OPLAH: variants seen among roughly 807,000 people sequenced by gnomAD.
OPLAH encodes 5-oxoprolinase.
A neutral mutation model predicts 122.8 loss-of-function variants in OPLAH; 103 were observed. The observed-to-expected ratio is 0.84, with a 90% CI of 0.71 to 0.99. OPLAH has a LOEUF of 0.99. Ranked by LOEUF, OPLAH falls within the 50% of genes least tolerant of loss-of-function variation. OPLAH has a pLI of 0.00. For missense variants in OPLAH, 1,902 were observed against 1,836.5 expected (o/e 1.04, Z -0.65); for synonymous variants, 875 against 796.0 (o/e 1.10, Z -1.67).
downstream of OPLAH, chr8:144,050,800 G>C (rs1455666672): frequency 3.0e-6 from 3 of 987,718 alleles, no homozygotes; most frequent in African/African-American, 5.2e-5. Flanking sequence ...CCCAGGGACC[G>C]CGCTGAGCAC....
Position 144,056,519 on chromosome 8 carries a change from T to A in OPLAH, c.1849A>T (p.Met617Leu), listed in dbSNP as rs373063458. ...GGTATGACAAAGCCAAACTCCCTCA[T>A]GTACCTGCACTCCCCGCGGGGACCC... ...DFGAAFVERY[M>L]REFGFVIPER... Residue 617 changes from methionine to leucine, a missense_variant, in exon 14 of 27, where the codon ATG becomes TTG. Physicochemically the swap from Met to Leu is conservative, Grantham distance 15 (BLOSUM62 2). Transcript: ENST00000618853. 15 of 1,611,832 alleles carry A rather than the reference T, an allele frequency of 9.3e-6. No homozygotes were observed. Among genetic ancestry groups the A allele is most frequent in the Non-Finnish European group, 1.2e-5 (14 of 1,179,482 alleles).
In OPLAH at chr8:144,058,995, C is replaced by G; in HGVS notation, c.448G>C (p.Gly150Arg). ...VVLHRGEAGT[G>R]TPVKGRTGDL... ...GCACACACACCTTTCACAGGCGTCC[C>G]GGTGCCCGCCTCTCCACGGTGCAGC... Residue 150 changes from glycine (G) to arginine (R), a missense_variant, in exon 4 of 27, where the codon GGG becomes CGG. Gly to Arg is a moderately radical substitution (Grantham distance 125, BLOSUM62 -2). Coordinates refer to ENST00000618853, the MANE Select transcript of OPLAH (RefSeq NM_017570.5). 1 of 1,565,890 alleles carries G rather than the reference C, an allele frequency of 6.4e-7. No homozygotes were observed. The highest frequency in any genetic ancestry group is 8.6e-7 in the Non-Finnish European group (1 of 1,156,910).
At chr8:144,050,887 C>A (rs1835356615), downstream of OPLAH, 2 of 998,768 alleles carry the variant, frequency 2.0e-6, no homozygotes, top group African/African-American at 3.5e-5. Flanking sequence ...GTAGGCACTG[C>A]CCGCCCGAAG....
At chr8:144,053,712 C>T (rs1835444237) in intron 19 of OPLAH, among the ~76,000 whole-genome samples, 1 of 152,042 alleles carries the variant, frequency 6.6e-6, no homozygotes, top group Admixed American at 6.6e-5. Context: ...CCTGTGGTTC[C>T]ATTACACCCA....
Position 144,055,873 on chromosome 8 carries a change from C to A in OPLAH, c.2163G>T (p.Val721=), listed in dbSNP as rs369464657. 702 of 1,582,824 alleles carry A rather than the reference C, an allele frequency of 4.4e-4. 2 individuals carry two copies. In the African/African-American group the frequency reaches 8.6e-3, roughly 19 times the overall value. ...CCACTGTGCCGGGGACTTCGGCCCC[C>A]ACGGAGATGCAGATGTCCCCTGTCT... ...VTKTGDICIS[V]GAEVPGTVGP... is the part of the protein sequence containing the mutation. The change falls in exon 16 of 27, where the codon GTG becomes GTT. Residue 721 remains valine, a synonymous_variant. Coordinates refer to ENST00000618853, the MANE Select transcript of OPLAH (RefSeq NM_017570.5). The surrounding 1 kb of genome is among the most constrained non-coding windows in gnomAD (Gnocchi z 6.5).
chr8:144,051,437 G>A lies in OPLAH; in HGVS notation c.3756C>T (p.Gly1252=). Residue 1252 remains glycine, a synonymous_variant, in exon 27 of 27, where the codon GGC becomes GGT. Coordinates refer to ENST00000618853, the MANE Select transcript of OPLAH (RefSeq NM_017570.5). Reference sequence around the variant, plus strand: ...GGGCGGGGTCCTCCGGGTCCCCATAGCCACCGCCGCCGGGCGTGTGGAGAC... The same window carrying A: ...GGGCGGGGTCCTCCGGGTCCCCATAACCACCGCCGCCGGGCGTGTGGAGAC... ...VFCLHTPGGG[G]YGDPEDPAPP... is the part of the protein sequence containing the mutation. The A allele has an allele frequency of 1.4e-6, 2 of 1,405,286 alleles. No individual in the cohort carries two copies. The highest frequency in any genetic ancestry group is 1.9e-6 in the Non-Finnish European group (2 of 1,063,928). 87.1% of individuals were successfully genotyped at this position (1,405,286 alleles called of 1,614,324 possible).
chr8:144,058,359 T>C lies in OPLAH; in HGVS notation c.829A>G (p.Met277Val), dbSNP rs782385500. The C allele has an allele frequency of 3.4e-5, 54 of 1,595,988 alleles. 2 individuals carry two copies. In the South Asian group the frequency reaches 5.7e-4, roughly 17 times the overall value. Residue 277 changes from methionine to valine, a missense_variant, in exon 7 of 27, where the codon ATG becomes GTG. Met to Val is a conservative substitution (Grantham distance 21). Around this residue, in one of 3 missense-constraint regions of OPLAH, gnomAD observed 1,726 missense variants for 1,642.1 expected, o/e 1.05. Coordinates refer to ENST00000618853, the MANE Select transcript of OPLAH (RefSeq NM_017570.5). ...GCACTGGAGCCGCTGAAGGTGTCCATGGGCGCCAGGCCGCCATCGGAGCGC... is the reference window on the plus strand; with the variant it reads ...GCACTGGAGCCGCTGAAGGTGTCCACGGGCGCCAGGCCGCCATCGGAGCGC... ...FMRSDGGLAPMDTFSGSSAVL... is the reference protein window; with the variant it reads ...FMRSDGGLAPVDTFSGSSAVL...
Position 144,057,894 on chromosome 8 carries a change from G to T in OPLAH, c.1118C>A (p.Ser373Ter). The T allele has an allele frequency of 1.2e-6, 2 of 1,612,198 alleles. No individual in the cohort carries two copies. Among genetic ancestry groups the T allele is most frequent in the South Asian group, 1.1e-5 (1 of 91,052 alleles). The change falls in exon 9 of 27, where the codon TCA (serine) becomes TAA (stop). Residue 373 changes from serine to a stop codon, truncating the protein, a stop_gained. Coordinates refer to ENST00000618853, the MANE Select transcript of OPLAH (RefSeq NM_017570.5). LOFTEE classifies it high-confidence loss of function. ...GGCGGGTCCTGGGTGGGCTCCTGCT[G>T]ACTCGGGCCCAACCACAAAGAGGCC... Reference protein sequence around the residue: ...RSGLFVVGPESAGAHPGPACY... With the variant: ...RSGLFVVGPE
downstream of OPLAH, chr8:144,050,418 C>T (rs545703480): frequency 1.1e-5 from 11 of 985,474 alleles, no homozygotes; most frequent in Non-Finnish European, 1.3e-5. Context: ...TGGCTTTCAG[C>T]GTGCTCCTGG....
chr8:144,052,866 GGCCCAGT>G lies in OPLAH; in HGVS notation c.3046_3052del (p.Thr1016ArgfsTer13), dbSNP rs1291865603. ...TGCGTTGAGATTACCAAACACCTCC[GGCCCAGT>G]GCCGCTGAAGTCAAACACGGCGCTG... On this transcript the variant is annotated frameshift_variant, in exon 22 of 27. Transcript: ENST00000618853. LOFTEE classifies it high-confidence loss of function. 3.9e-6 allele frequency: 6 copies of G among 1,554,182 alleles called. No individual in the cohort carries two copies. The highest frequency in any genetic ancestry group is 5.2e-6 in the Non-Finnish European group (6 of 1,149,448).
In OPLAH at chr8:144,059,714, A is replaced by C. The variant is rs1835620671; in HGVS notation, c.248T>G (p.Val83Gly). ...CCGCTCCAGCAGTGCGTTGGTGGCC[A>C]CTGTGGTGCCCATGCGGATGCTGGC... ...HIASIRMGTTVATNALLERKG... is the reference protein window; with the variant it reads ...HIASIRMGTTGATNALLERKG... The change falls in exon 3 of 27, where the codon GTG becomes GGG. Residue 83 changes from valine to glycine, a missense_variant. By Grantham distance (109) the Val-to-Gly change is moderately radical (BLOSUM62 -3). Around this residue, in one of 3 missense-constraint regions of OPLAH, gnomAD observed 168 missense variants for 170.6 expected, o/e 0.98. Transcript: ENST00000618853. The C allele has an allele frequency of 3.1e-6, 5 of 1,611,586 alleles. No homozygotes were observed. The African/African-American group carries it at 5.3e-5, about 17-fold the overall frequency.
Position 144,052,175 on chromosome 8 carries a change from T to A in OPLAH, c.3455A>T (p.Glu1152Val). Reference sequence around the variant, plus strand: ...CTCCGCGCACGCCGCTCACCGGCTCTCCAGGATCTCAGGGTCGGTGATGCG... The same window carrying A: ...CTCCGCGCACGCCGCTCACCGGCTCACCAGGATCTCAGGGTCGGTGATGCG... ...NTRITDPEIL[E>V]SRYPVILRRF... Residue 1152 changes from glutamate (E) to valine (V), a missense_variant, in exon 24 of 27, where the codon GAG becomes GTG. Glu to Val is a moderately radical substitution (Grantham distance 121). This residue lies in a region of OPLAH where 1,726 missense variants were observed against 1,642.1 expected (regional missense o/e 1.05). Transcript: ENST00000618853. 6.4e-7 allele frequency: 1 copy of A among 1,572,048 alleles called. No homozygotes were observed. The highest frequency in any genetic ancestry group is 8.6e-7 in the Non-Finnish European group (1 of 1,161,642).
rs781951821 is a variant in OPLAH, at chr8:144,059,752, G to A, written c.210C>T (p.Asp70=). The change falls in exon 3 of 27, where the codon GAC becomes GAT. Residue 70 remains aspartate (D), a synonymous_variant. Coordinates refer to ENST00000618853, the MANE Select transcript of OPLAH (RefSeq NM_017570.5). ...GMLLPRDQPL[D]SSHIASIRMG... ...TGCGGATGCTGGCGATATGACTGGA[G>A]TCCAGCGGCTGGTCCCGGGGCAGGA... 8.7e-6 allele frequency: 14 copies of A among 1,609,874 alleles called. No individual in the cohort carries two copies. The highest frequency in any genetic ancestry group is 1.7e-6 in the Non-Finnish European group (2 of 1,179,454).
At chr8:144,052,113 G>C in intron 24 of OPLAH, 37 bp from the exon 25 acceptor site, 1 of 1,553,604 alleles carries the variant, frequency 6.4e-7, no homozygotes, top group South Asian at 1.2e-5. Flanking sequence ...ACTCAGCGTG[G>C]CCCGAGCCCC....
rs782257200 is a variant in OPLAH at position 144,057,844 on chromosome 8, C to G, written c.1156+12G>C. On this transcript the variant is annotated intron_variant, in intron 9 of 26. Coordinates refer to ENST00000618853, the MANE Select transcript of OPLAH (RefSeq NM_017570.5). ...GAGGGCAAGGCCAGGCCGGCCAGAT[C>G]CTGACTCTTACCTTTGCGGTAGCAG... is the stretch of plus-strand genomic sequence containing the variant. 1 of 1,609,812 alleles carries G rather than the reference C, an allele frequency of 6.2e-7. No homozygotes were observed. The highest frequency in any genetic ancestry group is 2.2e-5 in the East Asian group (1 of 44,744).
At chr8:144,051,254 C>A (rs1835365796), downstream of OPLAH, 5 of 1,591,630 alleles carry the variant, frequency 3.1e-6, no homozygotes, top group African/African-American at 1.4e-5. Flanking sequence ...AGACACGACT[C>A]GGAGCACGAA....
At position 144,056,162 on chromosome 8, in the gene OPLAH, A is replaced by G. The variant is rs1835508137; in HGVS notation, c.2081T>C (p.Ile694Thr). The G allele has an allele frequency of 6.2e-7, 1 of 1,605,962 alleles. No homozygotes were observed. Among genetic ancestry groups the G allele is most frequent in the African/African-American group, 1.3e-5 (1 of 74,802 alleles). Residue 694 changes from isoleucine (I) to threonine (T), a missense_variant, in exon 15 of 27, where the codon ATC (isoleucine) becomes ACC (threonine). By Grantham distance (89) the Ile-to-Thr change is moderately conservative. Coordinates refer to ENST00000618853, the MANE Select transcript of OPLAH (RefSeq NM_017570.5). ...TTCAGCCCACCTGTTACTGTCGATG[A>G]TGAGGCAGGGCCCATGGAGCTTGTG... ...YGHKLHGPCL[I>T]IDSNSTILVE... is the part of the protein sequence containing the mutation.
chr8:144,053,969 T>C, intron 19 of OPLAH, among the ~76,000 whole-genome samples: 1 of 115,080 alleles, frequency 8.7e-6, no homozygotes, highest in Non-Finnish European at 1.8e-5. Flanking sequence ...TCTAAAACTG[T>C]CCCCCACCCC....
chr8:144,056,948 C>A lies in OPLAH; in HGVS notation c.1706G>T (p.Arg569Met), dbSNP rs782543432. ...VDALQAQGFP[R>M]SQISTESFLH... ...TGTCCAGGGCACCCTGGGAGCCCACCTGGGGAAGCCCTGGGCCTGCAGAGC... is the reference window on the plus strand; with the variant it reads ...TGTCCAGGGCACCCTGGGAGCCCACATGGGGAAGCCCTGGGCCTGCAGAGC... The change falls in exon 12 of 27, where the codon AGG becomes ATG. Residue 569 changes from arginine to methionine, a missense_variant and splice_region_variant. Physicochemically the swap from Arg to Met is moderately conservative, Grantham distance 91. Around this residue, in one of 3 missense-constraint regions of OPLAH, gnomAD observed 1,726 missense variants for 1,642.1 expected, o/e 1.05. Coordinates refer to ENST00000618853, the MANE Select transcript of OPLAH (RefSeq NM_017570.5). The A allele has an allele frequency of 5.3e-5, 83 of 1,570,500 alleles. No individual in the cohort carries two copies. The highest frequency in any genetic ancestry group is 7.1e-5 in the Non-Finnish European group (82 of 1,161,302).
Sources: gnomAD v4.1 joint callset for allele counts (sites outside exome capture counted in the v4.1 genomes callset) on GRCh38, gnomAD v4.1.1 for gene constraint, gnomAD v4.1.1 regional missense constraint, Gnocchi (gnomAD v3.1) non-coding constraint, MANE v1.5 for transcripts, NCBI Gene and HGNC (gene_info 2026-07-23, HGNC 2026-07-21) for gene names.